The following GOT1 variants were observed in gnomAD, a reference collection of about 807,000 sequenced individuals.
GOT1 encodes the protein glutamic-oxaloacetic transaminase 1, also known as aspartate aminotransferase, cytoplasmic.
Under a neutral mutation model 48.2 loss-of-function variants are expected in GOT1, and 25 were observed. The ratio of observed to expected loss-of-function variants is 0.52; its 90% confidence interval spans 0.38 to 0.72. GOT1 has a LOEUF of 0.72. GOT1 is among the 30% of genes least tolerant of loss of function. The pLI, the probability that GOT1 is intolerant of heterozygous loss-of-function variation, is 0.00. For synonymous variants in GOT1, 188 were observed against 193.8 expected, an observed-to-expected ratio of 0.97 and a Z score of 0.25; for missense variants, 380 against 520.1, an observed-to-expected ratio of 0.73 and a Z score of 2.62.
intron 2 of GOT1, among the ~76,000 whole-genome samples, chr10:99,412,086 C>T (rs1564971625): frequency 6.6e-6 from 1 of 152,058 alleles, no homozygotes; most frequent in Non-Finnish European, 1.5e-5. Flanking sequence ...GAGGTGGGGA[C>T]TGGACAGCTA....
chr10:99,397,477 T>G lies in GOT1; in HGVS notation c.*70A>C. 1 of 1,487,198 alleles carries G rather than the reference T, an allele frequency of 6.7e-7. No individual in the cohort carries two copies. Among genetic ancestry groups the G allele is most frequent in the Non-Finnish European group, 9.4e-7 (1 of 1,067,062 alleles). The allele number at this position is 1,487,198 out of a possible 1,614,324, so 92.1% of individuals were successfully genotyped here. A position where few individuals can be genotyped will look rare whatever the true frequency, so the allele number is the denominator to read the frequency against. On this transcript the variant is annotated 3_prime_UTR_variant, in exon 9 of 9. Transcript: ENST00000370508. The surrounding 1 kb of genome is among the most constrained non-coding windows in gnomAD (Gnocchi z 5.4). ...GTCTCTAATCCATGGTATGTACATG[T>G]AGGTTTGTGCAGGCAGGGAACACAC...
rs2033107809 is a variant in GOT1, at chr10:99,430,620, G to A, written c.-55C>T. On this transcript the variant is annotated 5_prime_UTR_variant, in exon 1 of 9. Coordinates refer to ENST00000370508, the MANE Select transcript of GOT1 (RefSeq NM_002079.3). ...CCCCACGCCCGGAGCTGGCAGGTCAGGTCTGGCCGTTGCGACTGGAGGAGA... is the reference window on the plus strand; with the variant it reads ...CCCCACGCCCGGAGCTGGCAGGTCAAGTCTGGCCGTTGCGACTGGAGGAGA... 1 of 1,452,260 alleles carries A rather than the reference G, an allele frequency of 6.9e-7. No individual in the cohort carries two copies. Among genetic ancestry groups the A allele is most frequent in the Non-Finnish European group, 9.3e-7 (1 of 1,069,924 alleles). 90.0% of individuals were successfully genotyped at this position (1,452,260 alleles called of 1,614,324 possible). A position where few individuals can be genotyped will look rare whatever the true frequency, so the allele number is the denominator to read the frequency against.
rs192345959 is a variant in GOT1, at chr10:99,420,495, G to T, written c.300+129C>A. On this transcript the variant is annotated intron_variant, in intron 2 of 8. Coordinates refer to ENST00000370508, the MANE Select transcript of GOT1 (RefSeq NM_002079.3). ...TTTGCGCTATCAGGTTCCTGAACTCGCGCTACAGAAACACTTATTCATTGG... is the reference window on the plus strand; with the variant it reads ...TTTGCGCTATCAGGTTCCTGAACTCTCGCTACAGAAACACTTATTCATTGG... The T allele has an allele frequency of 4.6e-5, 32 of 692,666 alleles. No individual in the cohort carries two copies. In the East Asian group the frequency reaches 8.3e-4, roughly 18 times the overall value. The allele number at this position is 692,666 out of a possible 1,614,324, so 42.9% of individuals were successfully genotyped here.
chr10:99,405,917 G>A, intron 4 of GOT1, 57 bp from the exon 5 acceptor site: 1 of 1,009,292 alleles, frequency 9.9e-7, no homozygotes, highest in Non-Finnish European at 1.6e-6. Context: ...GGGAGACAGA[G>A]TCAGCAGCAG....
At chr10:99,403,394 C>A (rs2032709549) in intron 7 of GOT1, 75 bp downstream of exon 7, 4 of 1,177,580 alleles carry the variant, frequency 3.4e-6, no homozygotes, top group South Asian at 1.5e-5. Context: ...AAGGAAGAGA[C>A]CCAGTTAAAT....
At chr10:99,426,969 G>A (rs2033044930) in intron 1 of GOT1, among the ~76,000 whole-genome samples, 1 of 152,144 alleles carries the variant, frequency 6.6e-6, no homozygotes, top group African/African-American at 2.4e-5. Context: ...GGTATACTTG[G>A]GGATGTGTAT....
rs138777645 is a variant in GOT1 at position 99,405,520 on chromosome 10, G to GACACACACAC, written c.642+226_642+235dup. On this transcript the variant is annotated intron_variant, in intron 5 of 8. Transcript: ENST00000370508. ...TTTGTAAAACATATACATAAAACTA[G>GACACACACAC]ACACACACACACACACACACACACA... is the stretch of plus-strand genomic sequence containing the variant. Among the ~76,000 whole-genome samples the GACACACACAC allele has an allele frequency of 3.0e-3, 425 of 143,580 alleles. 2 individuals carry two copies. The highest frequency in any genetic ancestry group is 0.021 in the Middle Eastern group (6 of 280). 94.2% of individuals were successfully genotyped at this position (143,580 alleles called of 152,430 possible).
At chr10:99,430,314 C>T (rs2033101078) in intron 1 of GOT1, 134 bp downstream of exon 1, 1 of 1,596,904 alleles carries the variant, frequency 6.3e-7, no homozygotes, top group Admixed American at 1.7e-5. Flanking sequence ...CTTCGTGGAT[C>T]CAGCCTCCTC....
At chr10:99,411,741 C>T (rs2032830413) in intron 2 of GOT1, among the ~76,000 whole-genome samples, 1 of 152,190 alleles carries the variant, frequency 6.6e-6, no homozygotes, top group South Asian at 2.1e-4. Flanking sequence ...TGTGCTCCAG[C>T]ATCTAGAACA....
chr10:99,414,968 A>G (rs1201446811), intron 2 of GOT1, among the ~76,000 whole-genome samples: 2 of 152,154 alleles, frequency 1.3e-5, no homozygotes, highest in Non-Finnish European at 2.9e-5. Context: ...TTATAGCACT[A>G]AATGCCCACA....
chr10:99,411,091 A>C (rs796905180), intron 2 of GOT1, among the ~76,000 whole-genome samples: 1 of 152,264 alleles, frequency 6.6e-6, no homozygotes, highest in East Asian at 1.9e-4. Flanking sequence ...GGCATCTGGC[A>C]CATGGTACTA....
intron 2 of GOT1, chr10:99,420,419 T>C (rs1478024234): frequency 1.9e-6 from 1 of 517,692 alleles, no homozygotes; most frequent in Non-Finnish European, 3.4e-6. Flanking sequence ...GATGATCTAC[T>C]GGGCAAAACT....
chr10:99,413,537 G>T (rs959335247), intron 2 of GOT1, among the ~76,000 whole-genome samples: 1 of 152,150 alleles, frequency 6.6e-6, no homozygotes, highest in South Asian at 2.1e-4. Flanking sequence ...TCCAGGAGAA[G>T]TTCCCCAACC....
rs771459104 is a variant in GOT1, at chr10:99,406,036, G to A, written c.537+101C>T. The A allele has an allele frequency of 7.2e-6, 6 of 836,412 alleles. No individual in the cohort carries two copies. The South Asian group carries it at 8.4e-5, about 12-fold the overall frequency. 51.8% of individuals were successfully genotyped at this position (836,412 alleles called of 1,614,324 possible). A position where few individuals can be genotyped will look rare whatever the true frequency, so the allele number is the denominator to read the frequency against. Reference sequence around the variant, plus strand: ...TGTCAGAAACCACCATCAGGTATGGGGAAGGTGTCTCAGACTCCTTCACTT... The same window carrying A: ...TGTCAGAAACCACCATCAGGTATGGAGAAGGTGTCTCAGACTCCTTCACTT... On this transcript the variant is annotated intron_variant, in intron 4 of 8. Transcript: ENST00000370508.
intron 1 of GOT1, 119 bp downstream of exon 1, chr10:99,430,329 G>A: frequency 6.2e-7 from 1 of 1,602,972 alleles, no homozygotes; most frequent in Non-Finnish European, 8.5e-7. Context: ...CTCCTCTCCG[G>A]CGCCGCCCTC....
intron 1 of GOT1, among the ~76,000 whole-genome samples, chr10:99,424,080 A>G (rs2033006243): frequency 6.6e-6 from 1 of 152,252 alleles, no homozygotes. Context: ...GTACCAAAAT[A>G]GCTACTTCCA....
intron 2 of GOT1, among the ~76,000 whole-genome samples, chr10:99,416,055 C>A (rs2134104940): frequency 6.6e-6 from 1 of 152,290 alleles, no homozygotes; most frequent in African/African-American, 2.4e-5. Flanking sequence ...CCTCTCTCAC[C>A]ACTCCTATTC....
At chr10:99,407,401 A>G (rs1411951719) in intron 2 of GOT1, among the ~76,000 whole-genome samples, 2 of 151,860 alleles carry the variant, frequency 1.3e-5, no homozygotes, top group Non-Finnish European at 2.9e-5. Flanking sequence ...GTGATGCATG[A>G]GTACTACTTT....
At chr10:99,410,245 T>C (rs1022052440) in intron 2 of GOT1, among the ~76,000 whole-genome samples, 1 of 152,226 alleles carries the variant, frequency 6.6e-6, no homozygotes, top group African/African-American at 2.4e-5. Context: ...GGATTTGTCA[T>C]CCAGCTAAGT....
Sources: allele counts gnomAD v4.1 joint callset (sites outside exome capture counted in the v4.1 genomes callset), GRCh38; gene constraint gnomAD v4.1.1; non-coding constraint Gnocchi (gnomAD v3.1); transcripts MANE v1.5; gene names NCBI Gene and HGNC (gene_info 2026-07-23, HGNC 2026-07-21).